CACNB2: variants seen among roughly 807,000 people sequenced by gnomAD.
The protein encoded by CACNB2 is voltage-dependent L-type calcium channel subunit beta-2.
CACNB2 carries 42 observed loss-of-function variants against 73.3 expected under a neutral mutation model. The ratio of observed to expected loss-of-function variants is 0.57; its 90% CI spans 0.45 to 0.74. The LOEUF (loss-of-function observed/expected upper bound fraction) is 0.74. Ranked by LOEUF, CACNB2 falls within the 30% of genes least tolerant of loss-of-function variation. The pLI, the probability that CACNB2 is intolerant of heterozygous loss-of-function variation, is 0.00. For missense variants in CACNB2, 940 were observed against 853.0 expected (o/e 1.10, Z -1.27); for synonymous variants, 348 against 310.3 (o/e 1.12, Z -1.28).
At chr10:18,457,515 G>A (rs900406430) in intron 3 of CACNB2, among the ~76,000 whole-genome samples, 5 of 152,196 alleles carry the variant, frequency 3.3e-5, no homozygotes, top group African/African-American at 9.7e-5. Context: ...ATGCTGCTGG[G>A]TAATAGTCCT....
intron 2 of CACNB2, among the ~76,000 whole-genome samples, chr10:18,288,770 C>T (rs951527490): frequency 3.3e-5 from 5 of 151,778 alleles, no homozygotes; most frequent in Admixed American, 6.6e-5. Flanking sequence ...CTCTGCCAGG[C>T]GCGGTGCCTC....
chr10:18,418,868 C>A (rs2045156388), intron 3 of CACNB2, among the ~76,000 whole-genome samples: 1 of 152,204 alleles, frequency 6.6e-6, no homozygotes, highest in Non-Finnish European at 1.5e-5. Flanking sequence ...ACAGTCTAAT[C>A]TTCTCGTCTT....
At chr10:18,450,587 T>C (rs1163415676) in intron 3 of CACNB2, among the ~76,000 whole-genome samples, 1 of 151,526 alleles carries the variant, frequency 6.6e-6, no homozygotes, top group Non-Finnish European at 1.5e-5. Context: ...AGCAAAATAG[T>C]GTAAAAATGA....
At chr10:18,326,068 G>C (rs530178546) in intron 2 of CACNB2, among the ~76,000 whole-genome samples, 9 of 151,986 alleles carry the variant, frequency 5.9e-5, no homozygotes, top group Non-Finnish European at 1.0e-4. Context: ...TGATTCCTAC[G>C]GTGTTAGTCC....
At chr10:18,413,577 A>T (rs2044759273) in intron 3 of CACNB2, among the ~76,000 whole-genome samples, 1 of 152,112 alleles carries the variant, frequency 6.6e-6, no homozygotes, top group African/African-American at 2.4e-5. Context: ...CATCCTTCCA[A>T]ATCTGAAACC....
At chr10:18,438,276 G>T (rs2046249325) in intron 3 of CACNB2, among the ~76,000 whole-genome samples, 1 of 143,132 alleles carries the variant, frequency 7.0e-6, no homozygotes, top group Non-Finnish European at 1.5e-5. Context: ...TGGTCCGCCC[G>T]CCTCGGCCTC....
At chr10:18,476,909 A>G (rs1370051631) in intron 3 of CACNB2, among the ~76,000 whole-genome samples, 1 of 152,032 alleles carries the variant, frequency 6.6e-6, no homozygotes, top group Non-Finnish European at 1.5e-5. Context: ...AATCCCAGCT[A>G]CTCAGGAGGC....
intron 2 of CACNB2, among the ~76,000 whole-genome samples, chr10:18,198,594 A>T (rs192723212): frequency 1.3e-5 from 2 of 152,284 alleles, no homozygotes; most frequent in East Asian, 3.9e-4. Context: ...AAATAGCCTG[A>T]CATTCAGACC....
chr10:18,216,816 A>G (rs2035531051), intron 2 of CACNB2, among the ~76,000 whole-genome samples: 1 of 152,192 alleles, frequency 6.6e-6, no homozygotes, highest in African/African-American at 2.4e-5. Flanking sequence ...AATTCCTTAA[A>G]AGCAAGCATA....
intron 3 of CACNB2, 60 bp downstream of exon 3, chr10:18,402,103 A>G: frequency 6.4e-7 from 1 of 1,569,876 alleles, no homozygotes; most frequent in Non-Finnish European, 8.7e-7. Flanking sequence ...CTGATAGACC[A>G]CCTGTGGGAG....
chr10:18,359,219 A>C (rs1398573304), intron 2 of CACNB2, among the ~76,000 whole-genome samples: 1 of 152,104 alleles, frequency 6.6e-6, no homozygotes, highest in African/African-American at 2.4e-5. Context: ...AAAATAAATA[A>C]ATAGATGTGG....
At chr10:18,207,709 A>G (rs1426973681) in intron 2 of CACNB2, among the ~76,000 whole-genome samples, 1 of 152,220 alleles carries the variant, frequency 6.6e-6, no homozygotes, top group Admixed American at 6.5e-5. Flanking sequence ...TATATTTAAC[A>G]TGTACATGGG....
At chr10:18,435,809 C>T (rs1377012448) in intron 3 of CACNB2, among the ~76,000 whole-genome samples, 1 of 151,980 alleles carries the variant, frequency 6.6e-6, no homozygotes, top group Non-Finnish European at 1.5e-5. Context: ...CCCCAACCAA[C>T]CCAAAATTTT....
chr10:18,360,581 A>G (rs1280580354), intron 2 of CACNB2, among the ~76,000 whole-genome samples: 3 of 152,146 alleles, frequency 2.0e-5, no homozygotes, highest in Non-Finnish European at 1.5e-5. Context: ...CTTATCACTC[A>G]CAAGAGTCCT....
chr10:18,184,965 G>A (rs941025076), intron 2 of CACNB2, among the ~76,000 whole-genome samples: 1 of 151,992 alleles, frequency 6.6e-6, no homozygotes, highest in South Asian at 2.1e-4. Context: ...TCAGCCTCCT[G>A]AGTAGCTGGG....
Position 18,246,405 on chromosome 10 carries a change from T to A in CACNB2, c.213+95430T>A, listed in dbSNP as rs576464438. Among the ~76,000 whole-genome samples, 26 of 151,254 alleles carry A rather than the reference T, an allele frequency of 1.7e-4. 1 individual carries two copies. The highest frequency in any genetic ancestry group is 7.3e-4 in the Admixed American group (11 of 15,152). On this transcript the variant is annotated intron_variant, in intron 2 of 13. Coordinates refer to ENST00000324631, the MANE Select transcript of CACNB2 (RefSeq NM_201596.3). ...AAGGCTCCTAGTTCTCTCTTTCTTT[T>A]AAAAAAAAACATTTTTACAATGTCT...
chr10:18,430,576 G>A (rs1356992257), intron 3 of CACNB2, among the ~76,000 whole-genome samples: 1 of 152,130 alleles, frequency 6.6e-6, no homozygotes, highest in African/African-American at 2.4e-5. Context: ...GCAGCAGTGA[G>A]CCGTGATTGC....
At chr10:18,481,839 A>T (rs2048795331) in intron 3 of CACNB2, among the ~76,000 whole-genome samples, 1 of 152,230 alleles carries the variant, frequency 6.6e-6, no homozygotes, top group Admixed American at 6.5e-5. Context: ...AGATATGGAC[A>T]GCCATTACAA....
At chr10:18,466,999 C>T (rs189489655) in intron 3 of CACNB2, among the ~76,000 whole-genome samples, 2 of 151,912 alleles carry the variant, frequency 1.3e-5, no homozygotes, top group Non-Finnish European at 2.9e-5. Flanking sequence ...ACTAAAAATA[C>T]AAAAATTAGC....
Sources: gnomAD v4.1 joint callset for allele counts (sites outside exome capture counted in the v4.1 genomes callset) on GRCh38, gnomAD v4.1.1 for gene constraint, MANE v1.5 for transcripts, NCBI Gene and HGNC (gene_info 2026-07-23, HGNC 2026-07-21) for gene names.